Variants in FBXW2 observed in about 807,000 individuals in gnomAD.
FBXW2 encodes F-box and WD repeat domain containing 2.
A neutral mutation model predicts 46.0 loss-of-function variants in FBXW2; 12 were observed. That is an observed-to-expected ratio of 0.26 (90% CI 0.17 to 0.42). FBXW2 has a LOEUF of 0.42. Among genes scored for constraint, FBXW2 ranks in the 10% least tolerant of loss-of-function variants. FBXW2 has a pLI of 1.00. For synonymous variants in FBXW2, 203 were observed against 209.6 expected, an observed-to-expected ratio of 0.97 and a Z score of 0.27; for missense variants, 360 against 537.0, an observed-to-expected ratio of 0.67 and a Z score of 3.26.
chr9:120,775,377 T>C (rs2044471206), intron 5 of FBXW2, among the ~76,000 whole-genome samples: 1 of 152,182 alleles, frequency 6.6e-6, no homozygotes, highest in South Asian at 2.1e-4. Flanking sequence ...TACTGTTCCT[T>C]CACAAAACTT....
chr9:120,764,652 A>G lies in FBXW2; in HGVS notation c.1272T>C (p.Asn424=). 1 of 1,614,202 alleles carries G rather than the reference A, an allele frequency of 6.2e-7. No individual in the cohort carries two copies. Among genetic ancestry groups the G allele is most frequent in the East Asian group, 2.2e-5 (1 of 44,880 alleles). ...SFLAGEASWL[N]GLDGHNDTGL... ...CCGTGTCATTGTGCCCATCCAGTCC[A>G]TTCAGCCAGGATGCTTCGCCTGCCA... The change falls in exon 8 of 8, where the codon AAT becomes AAC. Residue 424 remains asparagine, a synonymous_variant. Transcript: ENST00000608872.
rs1301375888 is a variant in FBXW2, at chr9:120,760,644, AC to A, written c.*3914del. ...TCTGTCTCAAAAACATACAAAAAAA[AC>A]AAAACAAAACAAAAAAAACAGTGAT... On this transcript the variant is annotated 3_prime_UTR_variant, in exon 8 of 8. Transcript: ENST00000608872. 1 of 152,164 alleles carries A rather than the reference AC, an allele frequency of 6.6e-6. No homozygotes were observed. The allele number at this position is 152,164 out of a possible 1,614,324, so 9.4% of individuals were successfully genotyped here.
chr9:120,768,856 G>T (rs922657244), intron 7 of FBXW2, among the ~76,000 whole-genome samples: 8 of 151,858 alleles, frequency 5.3e-5, no homozygotes, highest in Non-Finnish European at 1.2e-4. Context: ...AAAAAAAGAG[G>T]CTAGGAAAAA....
chr9:120,765,671 A>T (rs1483312054), intron 7 of FBXW2, among the ~76,000 whole-genome samples: 3 of 152,200 alleles, frequency 2.0e-5, no homozygotes, highest in Non-Finnish European at 4.4e-5. Flanking sequence ...CTAAAGTGCT[A>T]CTCTACTCAG....
At chr9:120,774,467 A>C (rs1208421642) in intron 5 of FBXW2, among the ~76,000 whole-genome samples, 1 of 151,984 alleles carries the variant, frequency 6.6e-6, no homozygotes, top group Non-Finnish European at 1.5e-5. Context: ...AGCTATGATC[A>C]TGACACGGCA....
rs1307601356 is a variant in FBXW2, at chr9:120,758,536, G to A, written c.*6023C>T. 1 of 152,148 alleles carries A rather than the reference G, an allele frequency of 6.6e-6. No homozygotes were observed. The highest frequency in any genetic ancestry group is 2.4e-5 in the African/African-American group (1 of 41,356). The allele number at this position is 152,148 out of a possible 1,614,324, so 9.4% of individuals were successfully genotyped here. On this transcript the variant is annotated 3_prime_UTR_variant, in exon 8 of 8. Transcript: ENST00000608872. ...TGAACAGTGCACACAAGTGGTGAAGGCAGAAGGCAGCAGTCGGGATTTGAA... is the reference window on the plus strand; with the variant it reads ...TGAACAGTGCACACAAGTGGTGAAGACAGAAGGCAGCAGTCGGGATTTGAA...
chr9:120,766,124 A>G (rs2044271049), intron 7 of FBXW2, among the ~76,000 whole-genome samples: 1 of 152,182 alleles, frequency 6.6e-6, no homozygotes, highest in South Asian at 2.1e-4. Context: ...TAAGGACACC[A>G]CCAAACTAGT....
At chr9:120,764,957 TAG>T in intron 7 of FBXW2, 110 bp from the exon 8 acceptor site, 3 of 898,242 alleles carry the variant, frequency 3.3e-6, no homozygotes, top group Non-Finnish European at 4.8e-6. Flanking sequence ...CAAGCAAATT[TAG>T]AGTTAAATGT....
intron 3 of FBXW2, among the ~76,000 whole-genome samples, chr9:120,785,938 G>A (rs384995): frequency 1.2e-4 from 17 of 139,296 alleles, no homozygotes; most frequent in African/African-American, 4.0e-4. Context: ...CAGGAGACTC[G>A]AACCCTGGAG....
chr9:120,761,194 A>C lies in FBXW2; in HGVS notation c.*3365T>G, dbSNP rs562207798. ...ACTTCAAATGATTGAGCTGGAGGAA[A>C]CTACATTCCTTTGGAATGATGACAG... On this transcript the variant is annotated 3_prime_UTR_variant, in exon 8 of 8. Transcript: ENST00000608872. The C allele has an allele frequency of 6.6e-6, 1 of 152,352 alleles. No individual in the cohort carries two copies. The highest frequency in any genetic ancestry group is 2.4e-5 in the African/African-American group (1 of 41,580). 9.4% of individuals were successfully genotyped at this position (152,352 alleles called of 1,614,324 possible).
At chr9:120,767,113 G>A (rs1044218475) in intron 7 of FBXW2, among the ~76,000 whole-genome samples, 4 of 152,120 alleles carry the variant, frequency 2.6e-5, no homozygotes, top group Non-Finnish European at 5.9e-5. Context: ...AAGAAGAAAT[G>A]CAACTGGGCA....
chr9:120,773,204 C>A (rs992801894), intron 5 of FBXW2, among the ~76,000 whole-genome samples: 10 of 146,040 alleles, frequency 6.8e-5, no homozygotes, highest in Middle Eastern at 3.6e-3. Flanking sequence ...AAAAAAAAAA[C>A]AGTCTAAACA....
Position 120,764,433 on chromosome 9 carries a change from A to T in FBXW2, c.*126T>A. On this transcript the variant is annotated 3_prime_UTR_variant, in exon 8 of 8. Transcript: ENST00000608872. ...GCCCCTGGCAAAACATAGATAAATG[A>T]TTGTGCACTGCGTGATGATACCATT... 9.2e-7 allele frequency: 1 copy of T among 1,086,514 alleles called. No individual in the cohort carries two copies. Among genetic ancestry groups the T allele is most frequent in the Non-Finnish European group, 1.3e-6 (1 of 746,022 alleles). The allele number at this position is 1,086,514 out of a possible 1,614,324, so 67.3% of individuals were successfully genotyped here.
chr9:120,764,473 GT>G lies in FBXW2; in HGVS notation c.*85del. On this transcript the variant is annotated 3_prime_UTR_variant, in exon 8 of 8. Transcript: ENST00000608872. ...ATGATACCATTAGGTGAGAACTTTG[GT>G]TCATGCAGTCGGCTGCCGCAGAGGT... The G allele has an allele frequency of 6.9e-7, 1 of 1,447,318 alleles. No individual in the cohort carries two copies. 89.7% of individuals were successfully genotyped at this position (1,447,318 alleles called of 1,614,324 possible). A position where few individuals can be genotyped will look rare whatever the true frequency, so the allele number is the denominator to read the frequency against.
chr9:120,776,985 G>C (rs1376751617), intron 4 of FBXW2, among the ~76,000 whole-genome samples: 1 of 152,106 alleles, frequency 6.6e-6, no homozygotes, highest in Non-Finnish European at 1.5e-5. Context: ...GGGTATCAGG[G>C]AGGACTTCAG....
chr9:120,789,812 T>C (rs1293076887), intron 2 of FBXW2, among the ~76,000 whole-genome samples: 1 of 152,226 alleles, frequency 6.6e-6, no homozygotes, highest in Non-Finnish European at 1.5e-5. Context: ...AAATAAGCAA[T>C]CTGATTTATT....
chr9:120,764,987 A>G, intron 7 of FBXW2, 140 bp from the exon 8 acceptor site: 1 of 708,842 alleles, frequency 1.4e-6, no homozygotes. Context: ...AAAAAGTAAA[A>G]TATAAGGAGA....
chr9:120,772,262 A>G (rs977854820), intron 6 of FBXW2, among the ~76,000 whole-genome samples: 4 of 151,768 alleles, frequency 2.6e-5, no homozygotes, highest in Non-Finnish European at 4.4e-5. Context: ...TGGGAGGTCA[A>G]GGCAGGCGGA....
At position 120,778,368 on chromosome 9, in the gene FBXW2, C is replaced by T. The variant is rs766729906; in HGVS notation, c.668G>A (p.Arg223Gln). ...CAACCCACCCGCCCCCGTGTGCCCC[C>T]GAAAGTGCTGGGTCCTGGCTCCGGA... ...WSSGARTQHF[R>Q]GHTGAVFSVD... The change falls in exon 4 of 8, where the codon CGG (arginine) becomes CAG (glutamine). Residue 223 changes from arginine to glutamine, a missense_variant. Physicochemically the swap from Arg to Gln is conservative, Grantham distance 43. Coordinates refer to ENST00000608872, the MANE Select transcript of FBXW2 (RefSeq NM_012164.4). 86 of 1,613,218 alleles carry T rather than the reference C, an allele frequency of 5.3e-5. No individual in the cohort carries two copies. Among genetic ancestry groups the T allele is most frequent in the Non-Finnish European group, 6.7e-5 (79 of 1,179,934 alleles).
Sources: allele counts gnomAD v4.1 joint callset (sites outside exome capture counted in the v4.1 genomes callset), GRCh38; gene constraint gnomAD v4.1.1; transcripts MANE v1.5; gene names NCBI Gene and HGNC (gene_info 2026-07-23, HGNC 2026-07-21).